The following OSBPL6 variants were observed in gnomAD, a reference collection of about 807,000 sequenced individuals.
OSBPL6 encodes oxysterol binding protein like 6, also known as oxysterol-binding protein-related protein 6.
A neutral mutation model predicts 125.8 loss-of-function variants in OSBPL6; 49 were observed. That is an observed-to-expected ratio of 0.39 (90% CI 0.31 to 0.49). The LOEUF (loss-of-function observed/expected upper bound fraction) is 0.49. Among genes scored for constraint, OSBPL6 ranks in the 20% least tolerant of loss-of-function variants. The pLI, the probability that OSBPL6 is intolerant of heterozygous loss-of-function variation, is 0.88. For missense variants in OSBPL6, 986 were observed against 1,135.4 expected, an observed-to-expected ratio of 0.87 and a Z score of 1.89; for synonymous variants, 394 against 391.8, an observed-to-expected ratio of 1.01 and a Z score of -0.07.
At chr2:178,392,124 T>C (rs190458464) in intron 22 of OSBPL6, among the ~76,000 whole-genome samples, 2 of 152,364 alleles carry the variant, frequency 1.3e-5, no homozygotes, top group Admixed American at 1.3e-4. Context: ...CAATTGAATA[T>C]TCAAGAGAAA....
In OSBPL6 at chr2:178,209,863, A is replaced by G. The variant is rs943532709; in HGVS notation, c.-351+15189A>G. ...GGCTACAGGTCTGGCTACCATTAAG[A>G]AAAAAAAAAAACTACTAAATAACTT... On this transcript the variant is annotated intron_variant, in intron 1 of 24. Transcript: ENST00000190611. Among the ~76,000 whole-genome samples the G allele has an allele frequency of 9.0e-5, 13 of 145,014 alleles. No individual in the cohort carries two copies. The South Asian group carries it at 2.6e-3, about 29-fold the overall frequency.
chr2:178,373,906 A>G lies in OSBPL6; in HGVS notation c.1412A>G (p.His471Arg), dbSNP rs1404978270. 40 of 1,613,996 alleles carry G rather than the reference A, an allele frequency of 2.5e-5. No homozygotes were observed. Among genetic ancestry groups the G allele is most frequent in the Non-Finnish European group, 3.2e-5 (38 of 1,179,998 alleles). The change falls in exon 15 of 25, where the codon CAT (histidine) becomes CGT (arginine). Residue 471 changes from histidine to arginine, a missense_variant. Transcript: ENST00000190611. ...CTTCTGCAGGCTGGTGAGCAAATCC[A>G]TGTCAGTCTCCCCTTATCACAGCAA... ...PSPDEAGEQI[H>R]VSLPLSQQVA...
At chr2:178,212,016 A>G (rs978222654) in intron 1 of OSBPL6, among the ~76,000 whole-genome samples, 3 of 152,146 alleles carry the variant, frequency 2.0e-5, no homozygotes, top group Non-Finnish European at 2.9e-5. Context: ...CTGCTTTGCC[A>G]TATCATGCAA....
At chr2:178,291,750 C>T (rs1385400878) in intron 2 of OSBPL6, among the ~76,000 whole-genome samples, 1 of 145,686 alleles carries the variant, frequency 6.9e-6, no homozygotes, top group African/African-American at 2.5e-5. Context: ...TCCTTCCTTC[C>T]TCCCTTTTTC....
intron 3 of OSBPL6, among the ~76,000 whole-genome samples, chr2:178,322,860 C>T (rs927446513): frequency 2.7e-5 from 4 of 150,328 alleles, no homozygotes; most frequent in South Asian, 2.1e-4. Context: ...CAGTGACACT[C>T]GTATCTTTGA....
chr2:178,265,927 C>G (rs1394215797), intron 1 of OSBPL6, among the ~76,000 whole-genome samples: 1 of 152,064 alleles, frequency 6.6e-6, no homozygotes, highest in Non-Finnish European at 1.5e-5. Flanking sequence ...TAATTGCAAA[C>G]TGTGATAAAT....
intron 3 of OSBPL6, among the ~76,000 whole-genome samples, chr2:178,317,503 C>T (rs1278485298): frequency 7.4e-6 from 1 of 135,908 alleles, no homozygotes; most frequent in Non-Finnish European, 1.5e-5. Context: ...ATTCATTCAG[C>T]AAACATTTAT....
rs114365264 is a variant in OSBPL6 at position 178,307,188 on chromosome 2, A to T, written c.102+902A>T. ...TATGTTTTCAGAGCATATTACCTAG[A>T]TTCTAGGAGTGTGAGCATCAGTTAT... On this transcript the variant is annotated intron_variant, in intron 3 of 24. Coordinates refer to ENST00000190611, the MANE Select transcript of OSBPL6 (RefSeq NM_032523.4). 8.0e-3 allele frequency among the ~76,000 whole-genome samples: 1,215 copies of T among 152,102 alleles called. 12 individuals carry two copies. Among genetic ancestry groups the T allele is most frequent in the African/African-American group, 0.028 (1,145 of 41,486 alleles).
At position 178,398,943 on chromosome 2, in the gene OSBPL6, C is replaced by T. The variant is rs1460520165; in HGVS notation, c.*3384C>T. The stretch of plus-strand genomic sequence containing the variant: ...ATCATAAAGTACATTTTTGTTATTA[C>T]CTTGTGGATTTTAATTATCCATCTT... On this transcript the variant is annotated 3_prime_UTR_variant, in exon 25 of 25. Transcript: ENST00000190611. The T allele has an allele frequency of 1.3e-5, 2 of 151,774 alleles. No individual in the cohort carries two copies. Among genetic ancestry groups the T allele is most frequent in the Admixed American group, 6.6e-5 (1 of 15,218 alleles). The allele number at this position is 151,774 out of a possible 1,614,324, so 9.4% of individuals were successfully genotyped here. A position where few individuals can be genotyped will look rare whatever the true frequency, so the allele number is the denominator to read the frequency against.
At chr2:178,251,729 A>G (rs1195094449) in intron 1 of OSBPL6, among the ~76,000 whole-genome samples, 1 of 152,194 alleles carries the variant, frequency 6.6e-6, no homozygotes, top group East Asian at 1.9e-4. Context: ...TTTAAATTCT[A>G]AATTCCTATA....
intron 2 of OSBPL6, among the ~76,000 whole-genome samples, chr2:178,303,239 T>C (rs1312474795): frequency 6.6e-6 from 1 of 152,218 alleles, no homozygotes; most frequent in Non-Finnish European, 1.5e-5. Context: ...GTCCAAAGGC[T>C]AGTTTTGTTT....
At position 178,383,050 on chromosome 2, in the gene OSBPL6, G is replaced by T. The variant is rs759105606; in HGVS notation, c.1648G>T (p.Ala550Ser). 1.1e-5 allele frequency: 17 copies of T among 1,614,058 alleles called. No individual in the cohort carries two copies. The South Asian group carries it at 1.8e-4, about 17-fold the overall frequency. ...QILNGELTGGAFRNGRRACLP... is the reference protein window; with the variant it reads ...QILNGELTGGSFRNGRRACLP... ...CCTGAATGGGGAGCTTACAGGAGGG[G>T]CCTTCCGAAATGGGCGTCGAGCATG... is the stretch of plus-strand genomic sequence containing the variant. Residue 550 changes from alanine to serine, a missense_variant, in exon 17 of 25, where the codon GCC becomes TCC. Transcript: ENST00000190611.
chr2:178,200,881 T>C (rs776348824), intron 1 of OSBPL6, among the ~76,000 whole-genome samples: 5 of 151,922 alleles, frequency 3.3e-5, no homozygotes, highest in Non-Finnish European at 7.4e-5. Flanking sequence ...GTGCAAGCTC[T>C]GCCTCCCAGG....
chr2:178,346,881 A>G lies in OSBPL6; in HGVS notation c.988-2343A>G, dbSNP rs146972778. Among the ~76,000 whole-genome samples the G allele has an allele frequency of 2.1e-3, 321 of 152,330 alleles. 1 individual carries two copies. Among genetic ancestry groups the G allele is most frequent in the Admixed American group, 4.4e-3 (67 of 15,306 alleles). ...CGTACCTCTTTTAACAAAAAAAAGT[A>G]TACCAATATATAAACATTTTCAGTC... On this transcript the variant is annotated intron_variant, in intron 11 of 24. Coordinates refer to ENST00000190611, the MANE Select transcript of OSBPL6 (RefSeq NM_032523.4).
chr2:178,316,437 CCT>C (rs1425955570), intron 3 of OSBPL6, among the ~76,000 whole-genome samples: 1 of 151,998 alleles, frequency 6.6e-6, no homozygotes, highest in African/African-American at 2.4e-5. Flanking sequence ...ATTTAAATAA[CCT>C]CTCTCATAGC....
At chr2:178,218,693 G>C (rs971321155) in intron 1 of OSBPL6, among the ~76,000 whole-genome samples, 4 of 146,250 alleles carry the variant, frequency 2.7e-5, no homozygotes, top group African/African-American at 1.0e-4. Flanking sequence ...GCAATGGCAC[G>C]ATCTCTGCCC....
chr2:178,347,521 C>T (rs1435349252), intron 11 of OSBPL6, among the ~76,000 whole-genome samples: 1 of 152,168 alleles, frequency 6.6e-6, no homozygotes, highest in Non-Finnish European at 1.5e-5. Context: ...CTAGATTGAG[C>T]ATCACCACAG....
chr2:178,384,479 G>C (rs1188816860), intron 18 of OSBPL6, among the ~76,000 whole-genome samples: 3 of 152,174 alleles, frequency 2.0e-5, no homozygotes, highest in African/African-American at 7.2e-5. Flanking sequence ...CATTGATTCT[G>C]TCCAGAAAGG....
intron 2 of OSBPL6, among the ~76,000 whole-genome samples, chr2:178,296,550 A>AAAAACAAAAC: frequency 6.6e-6 from 1 of 152,314 alleles, no homozygotes; most frequent in Admixed American, 6.5e-5. Flanking sequence ...ATCAGCTCTT[A>AAAAACAAAAC]AAAACAAAAC....
Sources: allele counts gnomAD v4.1 joint callset (sites outside exome capture counted in the v4.1 genomes callset), GRCh38; gene constraint gnomAD v4.1.1; transcripts MANE v1.5; gene names NCBI Gene and HGNC (gene_info 2026-07-23, HGNC 2026-07-21).